CHAT: variants seen among roughly 807,000 people sequenced by gnomAD.
CHAT encodes acetyl CoA:choline O-acetyltransferase.
CHAT carries 61 observed loss-of-function variants against 76.9 expected under a neutral mutation model. The observed-to-expected ratio is 0.79, with a 90% CI of 0.65 to 0.98. The LOEUF is 0.98. Ranked by LOEUF, CHAT falls within the 50% of genes least tolerant of loss-of-function variation. The pLI is 0.00. For synonymous variants in CHAT, 407 were observed against 397.4 expected (o/e 1.02, Z -0.29); for missense variants, 946 against 986.9 (o/e 0.96, Z 0.56).
intron 4 of CHAT, 57 bp from the exon 5 acceptor site, chr10:49,622,040 G>GAT: frequency 6.5e-7 from 1 of 1,544,908 alleles, no homozygotes. Flanking sequence ...AAGGGAGGGA[G>GAT]GGAGGGAGGA....
Position 49,627,634 on chromosome 10 carries a change from T to C in CHAT, c.960T>C (p.Asn320=). Residue 320 remains asparagine, a synonymous_variant, in exon 7 of 15, where the codon AAT becomes AAC. Transcript: ENST00000337653. ...TCTTTGTCTTGGATGTTGTCATTAA[T>C]TTCCGCCGTCTCAGTGAGGGGGATC... is the stretch of plus-strand genomic sequence containing the variant. ...NQFFVLDVVI[N]FRRLSEGDLF... 1 of 1,614,148 alleles carries C rather than the reference T, an allele frequency of 6.2e-7. No individual in the cohort carries two copies. Among genetic ancestry groups the C allele is most frequent in the Non-Finnish European group, 8.5e-7 (1 of 1,179,980 alleles).
At chr10:49,611,558 G>C (rs1258597013), upstream of CHAT, 1 of 1,605,106 alleles carries the variant, frequency 6.2e-7, no homozygotes. Flanking sequence ...GCACGGGCTC[G>C]GGCCAACCTG....
At chr10:49,618,608 A>G (rs1417184217) in intron 2 of CHAT, among the ~76,000 whole-genome samples, 1 of 152,134 alleles carries the variant, frequency 6.6e-6, no homozygotes, top group Admixed American at 6.5e-5. Context: ...GTGACCTTGG[A>G]CCAGCTGCTC....
At position 49,614,458 on chromosome 10, in the gene CHAT, C is replaced by T. The variant is rs1048906619; in HGVS notation, c.269C>T (p.Ala90Val). The change falls in exon 1 of 15, where the codon GCA becomes GTA. Residue 90 changes from alanine (A) to valine (V), a missense_variant. By Grantham distance (64) the Ala-to-Val change is moderately conservative. Around this residue, in one of 3 missense-constraint regions of CHAT, gnomAD observed 548 missense variants for 516.2 expected, o/e 1.06. Coordinates refer to ENST00000337653, the MANE Select transcript of CHAT (RefSeq NM_020549.5). ...EWCGAASAEA[A>V]EPRRAGPHLC... ...TGCGGTGCAGCGTCGGCCGAGGCAG[C>T]AGAGCCGAGGAGAGCAGGTGAGAAG... The T allele has an allele frequency of 1.1e-5, 17 of 1,547,336 alleles. No individual in the cohort carries two copies. The highest frequency in any genetic ancestry group is 1.3e-5 in the Non-Finnish European group (15 of 1,147,048).
Position 49,618,803 on chromosome 10 carries a change from C to A in CHAT, c.388-922C>A, listed in dbSNP as rs376595147. ...GGGGCCCCCAAAGAATATGGGTTTCCTCTTGGGAATTCCTCTGGAAGTATA... is the reference window on the plus strand; with the variant it reads ...GGGGCCCCCAAAGAATATGGGTTTCATCTTGGGAATTCCTCTGGAAGTATA... On this transcript the variant is annotated intron_variant, in intron 2 of 14. Coordinates refer to ENST00000337653, the MANE Select transcript of CHAT (RefSeq NM_020549.5). 7.2e-5 allele frequency among the ~76,000 whole-genome samples: 11 copies of A among 152,304 alleles called. No individual in the cohort carries two copies. The East Asian group carries it at 1.7e-3, about 24-fold the overall frequency.
intron 5 of CHAT, among the ~76,000 whole-genome samples, chr10:49,623,418 C>T (rs575791694): frequency 4.4e-4 from 67 of 152,258 alleles, no homozygotes; most frequent in Admixed American, 6.5e-4. Context: ...TTCCTGAGTG[C>T]CTGTTTTGAA....
intron 5 of CHAT, among the ~76,000 whole-genome samples, chr10:49,624,357 G>T (rs550369538): frequency 6.6e-6 from 1 of 152,302 alleles, no homozygotes; most frequent in South Asian, 2.1e-4. Context: ...CTGGGTTCAG[G>T]CATTACACCA....
At position 49,627,686 on chromosome 10, in the gene CHAT, A is replaced by C. The variant is rs1348719151; in HGVS notation, c.1012A>C (p.Lys338Gln). The change falls in exon 7 of 15, where the codon AAA becomes CAA. Residue 338 changes from lysine (K) to glutamine (Q), a missense_variant. Transcript: ENST00000337653. Reference sequence around the variant, plus strand: ...GTTCACTCAGTTGAGAAAGATAGTCAAAATGGCTTCCAACGAGGACGAGCG... The same window carrying C: ...GTTCACTCAGTTGAGAAAGATAGTCCAAATGGCTTCCAACGAGGACGAGCG... ...DLFTQLRKIV[K>Q]MASNEDERLP... The C allele has an allele frequency of 1.4e-5, 23 of 1,614,154 alleles. No homozygotes were observed. The highest frequency in any genetic ancestry group is 1.9e-5 in the Non-Finnish European group (23 of 1,179,980).
At chr10:49,634,444 A>T (rs1489360256) in intron 7 of CHAT, among the ~76,000 whole-genome samples, 3 of 152,214 alleles carry the variant, frequency 2.0e-5, no homozygotes, top group Admixed American at 2.0e-4. Flanking sequence ...GTGAACTTGA[A>T]CATGAGTACT....
intron 13 of CHAT, chr10:49,661,269 GA>G (rs1207034465): frequency 6.6e-6 from 1 of 152,218 alleles, no homozygotes; most frequent in Non-Finnish European, 1.5e-5. Flanking sequence ...CCAAGGTGGT[GA>G]AAAGAGGGGT....
intron 2 of CHAT, among the ~76,000 whole-genome samples, chr10:49,617,017 A>T (rs1203467731): frequency 1.3e-5 from 2 of 152,118 alleles, no homozygotes; most frequent in Non-Finnish European, 2.9e-5. Flanking sequence ...AGCCTTAGGC[A>T]CCATGTTCTC....
At chr10:49,649,195 G>C (rs770792743) in intron 9 of CHAT, among the ~76,000 whole-genome samples, 9 of 152,200 alleles carry the variant, frequency 5.9e-5, no homozygotes, top group Non-Finnish European at 1.3e-4. Context: ...GAACAACACA[G>C]CTTGCTCTTA....
intron 7 of CHAT, among the ~76,000 whole-genome samples, chr10:49,637,040 CT>C (rs534812454): frequency 1.5e-3 from 220 of 143,912 alleles, no homozygotes; most frequent in Middle Eastern, 3.6e-3. Context: ...TTCTCCCTCT[CT>C]TTTTTTTTTT....
Position 49,622,480 on chromosome 10 carries a change from G to A in CHAT, c.752+330G>A, listed in dbSNP as rs1026819090. Among the ~76,000 whole-genome samples the A allele has an allele frequency of 5.9e-5, 9 of 152,252 alleles. 1 individual carries two copies. Among genetic ancestry groups the A allele is most frequent in the Non-Finnish European group, 1.5e-5 (1 of 68,054 alleles). On this transcript the variant is annotated intron_variant, in intron 5 of 14. Transcript: ENST00000337653. Reference sequence around the variant, plus strand: ...AGGCGGGGAAGGAAGAGTTGTTAGAGTAAGGTGATGGGAGTTCTGCTTTGC... The same window carrying A: ...AGGCGGGGAAGGAAGAGTTGTTAGAATAAGGTGATGGGAGTTCTGCTTTGC...
chr10:49,613,064 A>C (rs537048582), upstream of CHAT: 1 of 152,250 alleles, frequency 6.6e-6, no homozygotes, highest in Non-Finnish European at 1.5e-5. Flanking sequence ...CACCAGCCTC[A>C]GAGCTCTGAG....
chr10:49,654,845 G>A (rs900405482), intron 11 of CHAT, among the ~76,000 whole-genome samples: 3 of 151,908 alleles, frequency 2.0e-5, no homozygotes, highest in Non-Finnish European at 2.9e-5. Flanking sequence ...AGCGCTACCC[G>A]TCACTTCTTT....
intron 5 of CHAT, among the ~76,000 whole-genome samples, chr10:49,623,628 C>T (rs1838808323): frequency 6.6e-6 from 1 of 152,188 alleles, no homozygotes; most frequent in South Asian, 2.1e-4. Flanking sequence ...TCAGCCATCC[C>T]CACCGGGGTG....
chr10:49,658,999 T>C (rs1425660157), intron 13 of CHAT, among the ~76,000 whole-genome samples: 1 of 152,146 alleles, frequency 6.6e-6, no homozygotes, highest in African/African-American at 2.4e-5. Context: ...AGGAGAATAA[T>C]ATTCCAAATA....
At chr10:49,610,677 C>T, upstream of CHAT, 1 of 1,431,926 alleles carries the variant, frequency 7.0e-7, no homozygotes, top group Non-Finnish European at 9.1e-7. Context: ...CTCGCCTCTG[C>T]ACTGCGGGAC....
Sources: allele counts gnomAD v4.1 joint callset (sites outside exome capture counted in the v4.1 genomes callset), GRCh38; gene constraint gnomAD v4.1.1; regional missense constraint gnomAD v4.1.1; transcripts MANE v1.5; gene names NCBI Gene and HGNC (gene_info 2026-07-23, HGNC 2026-07-21).